MAGI1: variants seen among roughly 807,000 people sequenced by gnomAD.
MAGI1 encodes membrane-associated guanylate kinase, WW and PDZ domain-containing protein 1.
In MAGI1, 58 loss-of-function variants were observed where a neutral mutation model predicts 139.9. The observed-to-expected ratio is 0.41, with a 90% CI of 0.34 to 0.52. MAGI1 has a LOEUF of 0.52. Ranked by LOEUF, MAGI1 falls within the 20% of genes least tolerant of loss-of-function variation. MAGI1 has a pLI of 0.12. For missense variants in MAGI1, 1,874 were observed against 1,901.6 expected (o/e 0.99, Z 0.27); for synonymous variants, 812 against 737.9 (o/e 1.10, Z -1.63).
At chr3:65,850,679 G>T (rs1186739435) in intron 1 of MAGI1, among the ~76,000 whole-genome samples, 3 of 152,116 alleles carry the variant, frequency 2.0e-5, no homozygotes, top group African/African-American at 7.2e-5. Flanking sequence ...AGACCAATAA[G>T]CAGTGCTTTA....
At chr3:65,990,841 G>A (rs1206807088) in intron 1 of MAGI1, among the ~76,000 whole-genome samples, 2 of 152,106 alleles carry the variant, frequency 1.3e-5, no homozygotes, top group Non-Finnish European at 2.9e-5. Flanking sequence ...TCAGATCTCA[G>A]CTGGATGTGG....
chr3:65,836,685 G>C (rs1040806957), intron 1 of MAGI1, among the ~76,000 whole-genome samples: 1 of 152,106 alleles, frequency 6.6e-6, no homozygotes, highest in African/African-American at 2.4e-5. Context: ...TGGGCGTGGT[G>C]GTGGGCGCCT....
intron 1 of MAGI1, among the ~76,000 whole-genome samples, chr3:65,718,161 T>C (rs1259397489): frequency 6.6e-6 from 1 of 152,192 alleles, no homozygotes; most frequent in Admixed American, 6.5e-5. Context: ...ATAGGCTATG[T>C]CGTCTGTGGT....
chr3:65,830,738 C>T (rs2042477778), intron 1 of MAGI1, among the ~76,000 whole-genome samples: 1 of 152,018 alleles, frequency 6.6e-6, no homozygotes, highest in Non-Finnish European at 1.5e-5. Flanking sequence ...GACTGCTTGC[C>T]CAAACTTTAC....
intron 2 of MAGI1, among the ~76,000 whole-genome samples, chr3:65,532,348 G>A (rs750806242): frequency 6.6e-6 from 1 of 152,188 alleles, no homozygotes; most frequent in Non-Finnish European, 1.5e-5. Context: ...TGCACTTGCT[G>A]TTTGTGGCAT....
intron 3 of MAGI1, among the ~76,000 whole-genome samples, chr3:65,491,598 A>G (rs889508538): frequency 1.3e-5 from 2 of 152,078 alleles, no homozygotes; most frequent in Non-Finnish European, 2.9e-5. Flanking sequence ...TCTGCTAACC[A>G]AAGAGGAGTC....
intron 2 of MAGI1, among the ~76,000 whole-genome samples, chr3:65,527,639 A>G (rs1267092658): frequency 2.0e-5 from 3 of 152,108 alleles, no homozygotes; most frequent in African/African-American, 4.8e-5. Flanking sequence ...GCAAGAGAAC[A>G]GTGTGAACCC....
Position 65,355,934 on chromosome 3 carries a change from C to G in MAGI1, c.*444G>C. On this transcript the variant is annotated 3_prime_UTR_variant, in exon 23 of 23. Transcript: ENST00000402939. The stretch of plus-strand genomic sequence containing the variant: ...GCTCTTTGCTTTTAAGAAAAACTTC[C>G]GACTACAGTATAGCACTACATCACT... 6.5e-6 allele frequency: 1 copy of G among 153,426 alleles called. No individual in the cohort carries two copies. The allele number at this position is 153,426 out of a possible 1,614,324, so 9.5% of individuals were successfully genotyped here.
At chr3:65,478,852 T>TA (rs1951065774) in intron 3 of MAGI1, 54 bp from the exon 4 acceptor site, 1 of 1,373,498 alleles carries the variant, frequency 7.3e-7, no homozygotes, top group African/African-American at 1.4e-5. Context: ...TTTGTGTTTT[T>TA]TTTTAAGACT....
intron 1 of MAGI1, among the ~76,000 whole-genome samples, chr3:65,969,006 C>T (rs1224341931): frequency 2.6e-5 from 4 of 152,146 alleles, no homozygotes; most frequent in East Asian, 3.9e-4. Context: ...AGAAGGACTA[C>T]GTAATTTGCT....
chr3:65,423,438 G>T (rs1038945929), intron 12 of MAGI1, among the ~76,000 whole-genome samples: 5 of 152,174 alleles, frequency 3.3e-5, no homozygotes, highest in African/African-American at 1.2e-4. Flanking sequence ...TAGCTAACGA[G>T]ATTAGATACT....
intron 1 of MAGI1, among the ~76,000 whole-genome samples, chr3:65,692,429 C>T (rs1423030506): frequency 6.6e-6 from 1 of 152,122 alleles, no homozygotes; most frequent in Non-Finnish European, 1.5e-5. Context: ...GCCAACCAAA[C>T]TCATATGTTG....
intron 1 of MAGI1, among the ~76,000 whole-genome samples, chr3:65,730,555 G>C (rs73832937): frequency 1.3e-5 from 2 of 152,326 alleles, no homozygotes; most frequent in African/African-American, 4.8e-5. Flanking sequence ...TGGTGTGGCA[G>C]AATGGACTGA....
intron 1 of MAGI1, among the ~76,000 whole-genome samples, chr3:65,880,069 C>A (rs186341504): frequency 1.3e-5 from 2 of 152,268 alleles, no homozygotes; most frequent in Admixed American, 6.5e-5. Flanking sequence ...TGATGAAACC[C>A]AGTCTCTACT....
chr3:65,906,012 A>C (rs894331630), intron 1 of MAGI1, among the ~76,000 whole-genome samples: 7 of 152,200 alleles, frequency 4.6e-5, no homozygotes, highest in African/African-American at 1.7e-4. Flanking sequence ...CTTATTAAAA[A>C]CATAACCTTG....
intron 1 of MAGI1, among the ~76,000 whole-genome samples, chr3:65,960,467 G>C (rs2064368461): frequency 6.6e-6 from 1 of 152,134 alleles, no homozygotes. Context: ...CAAGACATCT[G>C]ACTATAGGGC....
intron 1 of MAGI1, among the ~76,000 whole-genome samples, chr3:66,023,310 A>C (rs2068059479): frequency 6.6e-6 from 1 of 152,212 alleles, no homozygotes; most frequent in Non-Finnish European, 1.5e-5. Context: ...GTAAGATTTT[A>C]ACCCTGCATT....
At chr3:65,744,278 C>G (rs943359272) in intron 1 of MAGI1, among the ~76,000 whole-genome samples, 2 of 152,122 alleles carry the variant, frequency 1.3e-5, no homozygotes, top group East Asian at 3.8e-4. Context: ...TATAGATCAC[C>G]CAATGTCTCT....
chr3:65,987,220 T>A (rs953092710), intron 1 of MAGI1, among the ~76,000 whole-genome samples: 4 of 152,148 alleles, frequency 2.6e-5, no homozygotes, highest in African/African-American at 7.2e-5. Context: ...TAGCTACACA[T>A]TTCACTCATG....
Sources: allele counts gnomAD v4.1 joint callset (sites outside exome capture counted in the v4.1 genomes callset), GRCh38; gene constraint gnomAD v4.1.1; transcripts MANE v1.5; gene names NCBI Gene and HGNC (gene_info 2026-07-23, HGNC 2026-07-21).